Variants in TNFAIP8 observed in about 807,000 individuals in gnomAD.
TNFAIP8 encodes the protein TNF alpha induced protein 8, also known as tumor necrosis factor alpha-induced protein 8.
In TNFAIP8, 7 loss-of-function variants were observed where a neutral mutation model predicts 13.3. The observed-to-expected ratio is 0.52, with a 90% CI of 0.30 to 0.99. The LOEUF is 0.99. TNFAIP8 is among the 50% of genes least tolerant of loss of function. The pLI is 0.07. For missense variants in TNFAIP8, 258 were observed against 236.9 expected, an observed-to-expected ratio of 1.09 and a Z score of -0.58; for synonymous variants, 94 against 87.6, an observed-to-expected ratio of 1.07 and a Z score of -0.41.
chr5:119,283,211 TG>T (rs1295579476), intron 1 of TNFAIP8, among the ~76,000 whole-genome samples: 5 of 152,266 alleles, frequency 3.3e-5, no homozygotes, highest in African/African-American at 1.2e-4. Flanking sequence ...TCCTGGCCTG[TG>T]GGCCATTCCG....
At chr5:119,325,096 A>T (rs903873588) in intron 1 of TNFAIP8, among the ~76,000 whole-genome samples, 1 of 152,096 alleles carries the variant, frequency 6.6e-6, no homozygotes, top group South Asian at 2.1e-4. Flanking sequence ...AAAAAAAAAG[A>T]CTGCATTACA....
chr5:119,380,810 T>C (rs538794216), intron 1 of TNFAIP8, among the ~76,000 whole-genome samples: 2 of 152,354 alleles, frequency 1.3e-5, no homozygotes, highest in South Asian at 4.1e-4. Context: ...AACTTTTCTA[T>C]TCTCTTGGAT....
chr5:119,291,848 T>G (rs955516828), intron 1 of TNFAIP8, among the ~76,000 whole-genome samples: 2 of 152,202 alleles, frequency 1.3e-5, no homozygotes, highest in Non-Finnish European at 2.9e-5. Context: ...TTTTGTCTCT[T>G]GAAAATCTCC....
In TNFAIP8 at chr5:119,293,135, C is replaced by T. The variant is rs148726163; in HGVS notation, c.1+24228C>T. 6.0e-4 allele frequency among the ~76,000 whole-genome samples: 91 copies of T among 152,138 alleles called. No individual in the cohort carries two copies. In the East Asian group the frequency reaches 0.016, roughly 26 times the overall value. On this transcript the variant is annotated intron_variant, in intron 1 of 1. Transcript: ENST00000274456. ...TACAACATGATTTTTGATATATATG[C>T]ATGTTGTGGAATGGCTAAATCAAGC...
chr5:119,276,544 C>A (rs1010404105), intron 1 of TNFAIP8, among the ~76,000 whole-genome samples: 1 of 152,168 alleles, frequency 6.6e-6, no homozygotes, highest in Non-Finnish European at 1.5e-5. Flanking sequence ...AATTTATATT[C>A]TCACAGTTCT....
intron 1 of TNFAIP8, among the ~76,000 whole-genome samples, chr5:119,343,040 C>T (rs1234703702): frequency 2.0e-5 from 3 of 152,106 alleles, no homozygotes; most frequent in African/African-American, 7.2e-5. Context: ...AGTGGGCAGC[C>T]GCTGCTGGTG....
chr5:119,274,406 C>T (rs151335903), intron 1 of TNFAIP8, among the ~76,000 whole-genome samples: 1 of 152,296 alleles, frequency 6.6e-6, no homozygotes, highest in Admixed American at 6.5e-5. Flanking sequence ...TGGTTAAATA[C>T]TGTTTTGCTA....
intron 1 of TNFAIP8, among the ~76,000 whole-genome samples, chr5:119,302,325 T>G (rs889640729): frequency 1.3e-5 from 2 of 152,204 alleles, no homozygotes; most frequent in African/African-American, 4.8e-5. Flanking sequence ...TCCAGAAATA[T>G]GGACATCCTT....
chr5:119,273,839 G>A (rs567507898), intron 1 of TNFAIP8, among the ~76,000 whole-genome samples: 2 of 152,262 alleles, frequency 1.3e-5, no homozygotes, highest in Admixed American at 1.3e-4. Flanking sequence ...TGGGAACACA[G>A]TACTCAGCAA....
chr5:119,316,853 A>C (rs987921493), intron 1 of TNFAIP8, among the ~76,000 whole-genome samples: 1 of 152,174 alleles, frequency 6.6e-6, no homozygotes, highest in East Asian at 1.9e-4. Context: ...AATTTTAGCA[A>C]ACTGGGAGGG....
chr5:119,319,829 G>A (rs1750001907), intron 1 of TNFAIP8, among the ~76,000 whole-genome samples: 1 of 152,180 alleles, frequency 6.6e-6, no homozygotes, highest in Admixed American at 6.5e-5. Context: ...AAAAGAACTG[G>A]CTTGGTTTAG....
chr5:119,353,554 T>C (rs922644122), upstream of TNFAIP8, among the ~76,000 whole-genome samples: 2 of 152,230 alleles, frequency 1.3e-5, no homozygotes, highest in Non-Finnish European at 2.9e-5. Context: ...ACTGCTTGCT[T>C]GCATTTAAAT....
intron 1 of TNFAIP8, among the ~76,000 whole-genome samples, chr5:119,294,699 C>T (rs930939871): frequency 5.9e-5 from 9 of 152,112 alleles, no homozygotes; most frequent in Non-Finnish European, 1.2e-4. Flanking sequence ...CTCTCCAGCA[C>T]CTGTTGTTTC....
intron 1 of TNFAIP8, among the ~76,000 whole-genome samples, chr5:119,388,821 T>C (rs1752781859): frequency 6.6e-6 from 1 of 151,560 alleles, no homozygotes; most frequent in Admixed American, 6.6e-5. Context: ...TTTGAGTTTT[T>C]TTTGTAGAGA....
intron 1 of TNFAIP8, among the ~76,000 whole-genome samples, chr5:119,374,509 A>C (rs1437742391): frequency 2.0e-5 from 3 of 152,226 alleles, no homozygotes; most frequent in Non-Finnish European, 4.4e-5. Flanking sequence ...TTTGAGAGAA[A>C]GGTGAGTAAG....
chr5:119,386,978 C>CCCCCCTCCCTCT (rs1752704263), intron 1 of TNFAIP8, among the ~76,000 whole-genome samples: 1 of 135,420 alleles, frequency 7.4e-6, no homozygotes, highest in Non-Finnish European at 1.6e-5. Flanking sequence ...TCCCTCCCTC[C>CCCCCCTCCCTCT]CTCTCTTTCC....
intron 1 of TNFAIP8, among the ~76,000 whole-genome samples, chr5:119,338,504 C>G (rs116545382): frequency 2.1e-4 from 32 of 152,284 alleles, no homozygotes; most frequent in South Asian, 4.1e-4. Context: ...CAGACATGGC[C>G]CTGCTGGAGA....
At chr5:119,384,899 T>A (rs1469914945) in intron 1 of TNFAIP8, among the ~76,000 whole-genome samples, 1 of 151,798 alleles carries the variant, frequency 6.6e-6, no homozygotes, top group African/African-American at 2.4e-5. Flanking sequence ...GTTAGAGGAG[T>A]TGAAACTCAG....
At position 119,392,916 on chromosome 5, in the gene TNFAIP8, C is replaced by G; in HGVS notation, c.132C>G (p.Asp44Glu). 2.5e-6 allele frequency: 4 copies of G among 1,601,994 alleles called. No homozygotes were observed. Among genetic ancestry groups the G allele is most frequent in the Non-Finnish European group, 3.4e-6 (4 of 1,174,340 alleles). ...AATCCATCGCCACCACCTTAATAGACGACACAAGTAGTGAGGTGCTGGATG... is the reference window on the plus strand; with the variant it reads ...AATCCATCGCCACCACCTTAATAGAGGACACAAGTAGTGAGGTGCTGGATG... ...VSKSIATTLI[D>E]DTSSEVLDEL... The change falls in exon 2 of 2, where the codon GAC (aspartate) becomes GAG (glutamate). Residue 44 changes from aspartate to glutamate, a missense_variant. By Grantham distance (45) the Asp-to-Glu change is conservative. Transcript: ENST00000504771.
Sources: gnomAD v4.1 joint callset for allele counts (sites outside exome capture counted in the v4.1 genomes callset) on GRCh38, gnomAD v4.1.1 for gene constraint, MANE v1.5 for transcripts, NCBI Gene and HGNC (gene_info 2026-07-23, HGNC 2026-07-21) for gene names.